INSYN2B: variants seen among roughly 807,000 people sequenced by gnomAD.
INSYN2B encodes protein INSYN2B.
In INSYN2B, 16 loss-of-function variants were observed where a neutral mutation model predicts 41.2. That is an observed-to-expected ratio of 0.39 (90% confidence interval 0.26 to 0.59). INSYN2B has a LOEUF of 0.59. Ranked by LOEUF, INSYN2B falls within the 20% of genes least tolerant of loss-of-function variation. INSYN2B has a pLI of 0.57. For synonymous variants in INSYN2B, 245 were observed against 244.4 expected, an observed-to-expected ratio of 1.00 and a Z score of -0.02; for missense variants, 608 against 646.4, an observed-to-expected ratio of 0.94 and a Z score of 0.64.
At chr5:169,886,316 C>T (rs1772968094) in intron 1 of INSYN2B, among the ~76,000 whole-genome samples, 1 of 152,146 alleles carries the variant, frequency 6.6e-6, no homozygotes, top group Admixed American at 6.6e-5. Flanking sequence ...AGGAGATGAA[C>T]CTACTGGTCC....
intron 1 of INSYN2B, among the ~76,000 whole-genome samples, chr5:169,913,283 T>G (rs1333841918): frequency 1.3e-5 from 2 of 152,238 alleles, no homozygotes; most frequent in Non-Finnish European, 1.5e-5. Flanking sequence ...TCTTTCTCTT[T>G]GTACAGAAAG....
chr5:169,926,477 C>T (rs1775463836), intron 1 of INSYN2B, among the ~76,000 whole-genome samples: 1 of 152,168 alleles, frequency 6.6e-6, no homozygotes, highest in South Asian at 2.1e-4. Flanking sequence ...CTTCTGTGAG[C>T]TCAGGTGGCC....
At chr5:169,931,410 G>A (rs901798799) in intron 1 of INSYN2B, among the ~76,000 whole-genome samples, 12 of 152,152 alleles carry the variant, frequency 7.9e-5, no homozygotes, top group African/African-American at 1.9e-4. Flanking sequence ...CACTTCTCCC[G>A]TTCGCCTGAA....
intron 1 of INSYN2B, among the ~76,000 whole-genome samples, chr5:169,909,798 C>A (rs1264525378): frequency 2.0e-5 from 3 of 152,150 alleles, no homozygotes; most frequent in Non-Finnish European, 4.4e-5. Context: ...TTATTATCAT[C>A]CAGATTTGGA....
intron 1 of INSYN2B, among the ~76,000 whole-genome samples, chr5:169,897,500 C>T (rs1157219774): frequency 6.6e-6 from 1 of 152,144 alleles, no homozygotes; most frequent in Non-Finnish European, 1.5e-5. Flanking sequence ...GGAATGTGAG[C>T]TCTTTAACCA....
chr5:169,926,432 G>T (rs935172444), intron 1 of INSYN2B, among the ~76,000 whole-genome samples: 6 of 152,084 alleles, frequency 3.9e-5, no homozygotes, highest in Non-Finnish European at 2.9e-5. Context: ...CCTTTTCCCT[G>T]ATCACATGAG....
chr5:169,909,080 G>GC (rs1774451907), intron 1 of INSYN2B, among the ~76,000 whole-genome samples: 1 of 152,230 alleles, frequency 6.6e-6, no homozygotes, highest in Non-Finnish European at 1.5e-5. Context: ...TTCAGTAGCT[G>GC]CTGCTGATGT....
Position 169,882,919 on chromosome 5 carries a change from G to A in INSYN2B, c.980C>T (p.Ser327Leu), listed in dbSNP as rs1388196619. The change falls in exon 2 of 4, where the codon TCA becomes TTA. Residue 327 changes from serine to leucine, a missense_variant. By Grantham distance (145) the Ser-to-Leu change is moderately radical (BLOSUM62 -2). Coordinates refer to ENST00000377365, the MANE Select transcript of INSYN2B (RefSeq NM_001129891.3). ...ATTGTTACTTGATGAAGGACAGTCT[G>A]AGGCTCTTCCTGGGTGGGCTGGCTG... ...HSQPAHPGRA[S>L]DCPSSSNNHQ... is the part of the protein sequence containing the mutation. 6.4e-7 allele frequency: 1 copy of A among 1,552,040 alleles called. No individual in the cohort carries two copies. Among genetic ancestry groups the A allele is most frequent in the South Asian group, 1.2e-5 (1 of 84,048 alleles).
At chr5:169,871,374 T>C (rs906059099) in intron 3 of INSYN2B, among the ~76,000 whole-genome samples, 2 of 152,188 alleles carry the variant, frequency 1.3e-5, no homozygotes, top group Non-Finnish European at 2.9e-5. Context: ...GTAATTTAAA[T>C]GGGCAAAAAT....
chr5:169,962,254 T>C (rs367630583), intron 1 of INSYN2B, among the ~76,000 whole-genome samples: 12 of 152,072 alleles, frequency 7.9e-5, no homozygotes, highest in African/African-American at 2.9e-4. Context: ...GGAGACATCG[T>C]GGTGGACTGA....
At chr5:169,934,580 T>C (rs764117536) in intron 1 of INSYN2B, 2 of 453,920 alleles carry the variant, frequency 4.4e-6, no homozygotes, top group African/African-American at 2.0e-5. Context: ...TAAATCCTGC[T>C]CTTTGCTTCC....
intron 1 of INSYN2B, among the ~76,000 whole-genome samples, chr5:169,907,457 T>C (rs1357125714): frequency 3.3e-5 from 5 of 152,228 alleles, no homozygotes; most frequent in Admixed American, 3.3e-4. Context: ...AGCTAAAATC[T>C]GTGGCTTGTT....
Position 169,884,008 on chromosome 5 carries a change from C to G in INSYN2B, c.-110G>C, listed in dbSNP as rs1482808214. On this transcript the variant is annotated 5_prime_UTR_variant, in exon 2 of 4. Transcript: ENST00000377365. ...TATTTCAATCATAGAGAACTGCTGG[C>G]CAGGATGGAGTGGTCCTCTCCTCTT... 1.8e-6 allele frequency: 2 copies of G among 1,105,276 alleles called. No individual in the cohort carries two copies. Among genetic ancestry groups the G allele is most frequent in the Non-Finnish European group, 2.4e-6 (2 of 820,132 alleles). The allele number at this position is 1,105,276 out of a possible 1,614,324, so 68.5% of individuals were successfully genotyped here.
At chr5:169,930,895 A>G (rs750218726) in intron 1 of INSYN2B, among the ~76,000 whole-genome samples, 1 of 152,194 alleles carries the variant, frequency 6.6e-6, no homozygotes, top group South Asian at 2.1e-4. Context: ...ACACATAAAT[A>G]CAATAAAGGA....
At chr5:169,962,267 T>C (rs1377121783) in intron 1 of INSYN2B, among the ~76,000 whole-genome samples, 3 of 152,036 alleles carry the variant, frequency 2.0e-5, no homozygotes, top group African/African-American at 7.3e-5. Flanking sequence ...TGGACTGACC[T>C]GGGGTGGAGA....
At chr5:169,874,477 G>A (rs1036618315) in intron 3 of INSYN2B, among the ~76,000 whole-genome samples, 4 of 151,842 alleles carry the variant, frequency 2.6e-5, no homozygotes, top group Admixed American at 6.6e-5. Flanking sequence ...AAATGAGCGG[G>A]TGGTGGTGGC....
At chr5:169,910,947 T>C (rs1384365583) in intron 1 of INSYN2B, among the ~76,000 whole-genome samples, 1 of 152,128 alleles carries the variant, frequency 6.6e-6, no homozygotes, top group African/African-American at 2.4e-5. Flanking sequence ...GTCCTTCCTA[T>C]ATCTGGGGTA....
At chr5:169,928,804 T>C (rs1291963774) in intron 1 of INSYN2B, among the ~76,000 whole-genome samples, 1 of 152,196 alleles carries the variant, frequency 6.6e-6, no homozygotes, top group Non-Finnish European at 1.5e-5. Context: ...AGATCTAATG[T>C]TATTAGGTTA....
chr5:169,924,802 G>A (rs192751022), intron 1 of INSYN2B, among the ~76,000 whole-genome samples: 20 of 152,038 alleles, frequency 1.3e-4, no homozygotes, highest in East Asian at 1.9e-4. Context: ...ATCCTGGGAC[G>A]CTCTTTGGCC....
Sources: allele counts gnomAD v4.1 joint callset (sites outside exome capture counted in the v4.1 genomes callset), GRCh38; gene constraint gnomAD v4.1.1; transcripts MANE v1.5; gene names NCBI Gene and HGNC (gene_info 2026-07-23, HGNC 2026-07-21).